The following ZSCAN5A variants were observed in gnomAD, a reference collection of about 807,000 sequenced individuals.
ZSCAN5A encodes the protein zinc finger and SCAN domain-containing protein 5A.
Under a neutral mutation model 23.7 loss-of-function variants are expected in ZSCAN5A, and 12 were observed. That is an observed-to-expected ratio of 0.51 (90% CI 0.32 to 0.82). The LOEUF (loss-of-function observed/expected upper bound fraction) is 0.82. Among genes scored for constraint, ZSCAN5A ranks in the 40% least tolerant of loss-of-function variants. The pLI is 0.03. For missense variants in ZSCAN5A, 597 were observed against 617.9 expected (o/e 0.97, Z 0.36); for synonymous variants, 257 against 239.9 (o/e 1.07, Z -0.66).
chr19:56,291,052 G>A (rs1395944139), intron 2 of ZSCAN5A, among the ~76,000 whole-genome samples: 1 of 152,214 alleles, frequency 6.6e-6, no homozygotes, highest in East Asian at 1.9e-4. Context: ...CCGTGAGGGT[G>A]TGTCTGGGAT....
At chr19:56,282,608 C>A in intron 2 of ZSCAN5A, 2 of 616,590 alleles carry the variant, frequency 3.2e-6, no homozygotes, top group Non-Finnish European at 4.1e-6. Context: ...CTGTTCACAG[C>A]TTAGCTTCTA....
At chr19:56,264,950 C>A in intron 2 of ZSCAN5A, among the ~76,000 whole-genome samples, 1 of 151,952 alleles carries the variant, frequency 6.6e-6, no homozygotes, top group African/African-American at 2.4e-5. Context: ...GGTGAAACCC[C>A]GTATCTACTA....
At chr19:56,343,708 T>A (rs1338601571) in intron 2 of ZSCAN5A, among the ~76,000 whole-genome samples, 1 of 152,254 alleles carries the variant, frequency 6.6e-6, no homozygotes, top group Non-Finnish European at 1.5e-5. Context: ...AGGCTGGACG[T>A]TCCCCACGCT....
intron 1 of ZSCAN5A, 111 bp from the exon 2 acceptor site, chr19:56,313,495 T>C (rs2147393373): frequency 6.5e-6 from 1 of 154,454 alleles, no homozygotes; most frequent in East Asian, 1.9e-4. Context: ...CTCCCACATG[T>C]GGGAATTCAA....
At chr19:56,271,551 C>T (rs552343875) in intron 2 of ZSCAN5A, among the ~76,000 whole-genome samples, 5 of 152,270 alleles carry the variant, frequency 3.3e-5, no homozygotes, top group Non-Finnish European at 7.4e-5. Flanking sequence ...TGAAATATGG[C>T]AAATGGCCAA....
chr19:56,262,620 C>T (rs1341646996), intron 2 of ZSCAN5A, among the ~76,000 whole-genome samples: 2 of 151,782 alleles, frequency 1.3e-5, no homozygotes, highest in Non-Finnish European at 2.9e-5. Context: ...TTAGTAGAGA[C>T]GGGGTTTCAC....
chr19:56,359,808 C>T (rs2041722784), intron 2 of ZSCAN5A, among the ~76,000 whole-genome samples: 2 of 152,134 alleles, frequency 1.3e-5, no homozygotes, highest in Admixed American at 1.3e-4. Context: ...ATCACATAAA[C>T]AGAACTAGAG....
In ZSCAN5A at chr19:56,309,782, G is replaced by A. The variant is rs372579196; in HGVS notation, c.-128+3501C>T. On this transcript the variant is annotated intron_variant, in intron 2 of 5. Coordinates refer to ENST00000683990, the MANE Select transcript of ZSCAN5A (RefSeq NM_001322064.3). ...GCAACACAAGCTCAGGCCCGGCGCC[G>A]GGACAGTGAGGAACTGGAGGGGGCG... is the stretch of plus-strand genomic sequence containing the variant. 1.3e-3 allele frequency among the ~76,000 whole-genome samples: 201 copies of A among 152,340 alleles called. 1 individual carries two copies. The highest frequency in any genetic ancestry group is 4.4e-3 in the African/African-American group (185 of 41,594).
chr19:56,326,088 A>G (rs539276917), intron 2 of ZSCAN5A, among the ~76,000 whole-genome samples: 2 of 151,294 alleles, frequency 1.3e-5, no homozygotes, highest in Admixed American at 6.6e-5. Context: ...CCCCGCCACC[A>G]CGCCCAGCTA....
intron 4 of ZSCAN5A, among the ~76,000 whole-genome samples, chr19:56,223,181 C>A (rs2033480780): frequency 6.6e-6 from 1 of 152,158 alleles, no homozygotes. Flanking sequence ...ACCCCACCAT[C>A]CCCTACAATG....
intron 2 of ZSCAN5A, among the ~76,000 whole-genome samples, chr19:56,287,702 G>C (rs1476246671): frequency 6.6e-6 from 1 of 152,192 alleles, no homozygotes. Context: ...CAGACTCATG[G>C]GGCTAGAAAT....
rs1287382432 is a variant in ZSCAN5A at position 56,352,133 on chromosome 19, G to A, written c.-358+11102C>T. On this transcript the variant is annotated intron_variant, in intron 2 of 6. Transcript: ENST00000587340. This position sits in a 1 kb window ranked among gnomAD's most constrained non-coding sequence, Gnocchi z 4.2. The stretch of plus-strand genomic sequence containing the variant: ...TTCTTTGTTTTTGAGACGGAATCTC[G>A]CTCTGTCACCCAGGCTGGAGTGCAG... 2.6e-5 allele frequency among the ~76,000 whole-genome samples: 4 copies of A among 151,652 alleles called. No individual in the cohort carries two copies. Among genetic ancestry groups the A allele is most frequent in the Non-Finnish European group, 5.9e-5 (4 of 67,982 alleles).
At chr19:56,309,572 A>G (rs919677915) in intron 2 of ZSCAN5A, among the ~76,000 whole-genome samples, 3 of 152,208 alleles carry the variant, frequency 2.0e-5, no homozygotes, top group Non-Finnish European at 4.4e-5. Context: ...ATAGACTGTG[A>G]GCCCCTGTGG....
rs1473289541 is a variant in ZSCAN5A, at chr19:56,245,853, G to A, written c.-127-20680C>T. Among the ~76,000 whole-genome samples, 17 of 152,266 alleles carry A rather than the reference G, an allele frequency of 1.1e-4. No homozygotes were observed. In the South Asian group the frequency reaches 1.5e-3, roughly 13 times the overall value. On this transcript the variant is annotated intron_variant, in intron 2 of 5. Coordinates refer to ENST00000683990, the MANE Select transcript of ZSCAN5A (RefSeq NM_001322064.3). The stretch of plus-strand genomic sequence containing the variant: ...AGGACACATGGCCATGTCTGGAGAT[G>A]TGTTTGTGTGTCATTGTAGGGGGTG...
At chr19:56,236,430 G>A (rs1464045759) in intron 2 of ZSCAN5A, among the ~76,000 whole-genome samples, 1 of 96,630 alleles carries the variant, frequency 1.0e-5, no homozygotes. Flanking sequence ...CTGATTGACC[G>A]TGGGCCAAGC....
intron 2 of ZSCAN5A, among the ~76,000 whole-genome samples, chr19:56,280,917 T>G (rs905195464): frequency 6.6e-6 from 1 of 152,170 alleles, no homozygotes; most frequent in Non-Finnish European, 1.5e-5. Context: ...CATACACATT[T>G]GACCCTTGAA....
chr19:56,265,541 C>T (rs2037415394), intron 2 of ZSCAN5A, among the ~76,000 whole-genome samples: 1 of 151,860 alleles, frequency 6.6e-6, no homozygotes, highest in South Asian at 2.1e-4. Flanking sequence ...CAGAGCTGAA[C>T]TTCTTGAATC....
At chr19:56,276,506 C>CTCTTT (rs2038268919) in intron 2 of ZSCAN5A, among the ~76,000 whole-genome samples, 1 of 139,736 alleles carries the variant, frequency 7.2e-6, no homozygotes. Context: ...CTAAAGAGCT[C>CTCTTT]TTTTTTTTTT....
At chr19:56,363,997 A>G (rs902200301) in intron 1 of ZSCAN5A, among the ~76,000 whole-genome samples, 3 of 152,248 alleles carry the variant, frequency 2.0e-5, no homozygotes, top group Non-Finnish European at 4.4e-5. Flanking sequence ...AGAAATTTGC[A>G]TAAGTAAAAT....
Sources: gnomAD v4.1 joint callset for allele counts (sites outside exome capture counted in the v4.1 genomes callset) on GRCh38, gnomAD v4.1.1 for gene constraint, Gnocchi (gnomAD v3.1) non-coding constraint, MANE v1.5 for transcripts, NCBI Gene and HGNC (gene_info 2026-07-23, HGNC 2026-07-21) for gene names.